SLC24A2: variants seen among roughly 807,000 people sequenced by gnomAD.
The protein encoded by SLC24A2 is sodium/potassium/calcium exchanger 2.
SLC24A2 carries 36 observed loss-of-function variants against 62.0 expected under a neutral mutation model. The observed-to-expected ratio is 0.58, with a 90% CI of 0.44 to 0.77. The LOEUF is 0.77. Ranked by LOEUF, SLC24A2 falls within the 30% of genes least tolerant of loss-of-function variation. The pLI is 0.00. For missense variants in SLC24A2, 846 were observed against 817.9 expected (o/e 1.03, Z -0.42); for synonymous variants, 358 against 294.0 (o/e 1.22, Z -2.23).
At chr9:20,144,030 T>A in the SLC24A2 span, among the ~76,000 whole-genome samples, 1 of 152,230 alleles carries the variant, frequency 6.6e-6, no homozygotes. Context: ...GTTTCCTATA[T>A]GTTACATGGT....
chr9:20,152,405 A>G, the SLC24A2 span, among the ~76,000 whole-genome samples: 1 of 152,036 alleles, frequency 6.6e-6, no homozygotes, highest in South Asian at 2.1e-4. Flanking sequence ...CAAGTTCTTT[A>G]GTAAATCAAC....
chr9:19,525,764 T>C (rs1471421502), intron 9 of SLC24A2, among the ~76,000 whole-genome samples: 2 of 109,146 alleles, frequency 1.8e-5, no homozygotes, highest in East Asian at 3.0e-4. Context: ...CACATGCTAC[T>C]GTTTTTTTTT....
chr9:19,563,852 CCCTCCCTCCCTCCTTT>C (rs1563968926), intron 7 of SLC24A2, among the ~76,000 whole-genome samples: 1 of 103,072 alleles, frequency 9.7e-6, no homozygotes, highest in East Asian at 2.9e-4. Context: ...CTCCCTCCCT[CCCTCCCTCCCTCCTTT>C]CCTTTCGATG....
At chr9:19,534,447 T>G (rs899561947) in intron 8 of SLC24A2, among the ~76,000 whole-genome samples, 2 of 152,166 alleles carry the variant, frequency 1.3e-5, no homozygotes, top group African/African-American at 4.8e-5. Flanking sequence ...CATGGTGGTT[T>G]GCTGCACCCA....
the SLC24A2 span, among the ~76,000 whole-genome samples, chr9:19,969,387 T>C: frequency 6.6e-6 from 1 of 152,152 alleles, no homozygotes; most frequent in Admixed American, 6.5e-5. Context: ...AAAACCAAAG[T>C]CATTTCAGTC....
chr9:19,814,495 A>G, the SLC24A2 span, among the ~76,000 whole-genome samples: 4 of 152,224 alleles, frequency 2.6e-5, no homozygotes, highest in African/African-American at 9.6e-5. Context: ...CATGCTTACC[A>G]AACAACCTTG....
the SLC24A2 span, among the ~76,000 whole-genome samples, chr9:20,028,867 A>G: frequency 5.9e-5 from 9 of 152,212 alleles, no homozygotes; most frequent in Admixed American, 5.9e-4. Flanking sequence ...ACAACCTGGC[A>G]GTACTTCTAA....
the SLC24A2 span, among the ~76,000 whole-genome samples, chr9:20,182,895 G>A: frequency 6.6e-6 from 1 of 152,052 alleles, no homozygotes; most frequent in Non-Finnish European, 1.5e-5. Context: ...GTATACATTG[G>A]GCCACAATCT....
chr9:20,277,527 C>T, the SLC24A2 span, among the ~76,000 whole-genome samples: 1 of 151,966 alleles, frequency 6.6e-6, no homozygotes, highest in Non-Finnish European at 1.5e-5. Context: ...CAAATCAAAA[C>T]CACAATGAGA....
At chr9:20,129,961 A>ACACG in the SLC24A2 span, among the ~76,000 whole-genome samples, 3 of 151,820 alleles carry the variant, frequency 2.0e-5, no homozygotes, top group African/African-American at 7.3e-5. Context: ...ACACACACAC[A>ACACG]CACAGAGGTT....
rs117013263 is a variant in SLC24A2 at position 19,776,565 on chromosome 9, T to C, written c.930+9372A>G. On this transcript the variant is annotated intron_variant, in intron 2 of 10. Coordinates refer to ENST00000341998, the MANE Select transcript of SLC24A2 (RefSeq NM_020344.4). ...TCAGAAGCCACAAATGCTGAGGCGGTCTAGCGTCCTACAGTAAACTTTATA... is the reference window on the plus strand; with the variant it reads ...TCAGAAGCCACAAATGCTGAGGCGGCCTAGCGTCCTACAGTAAACTTTATA... 9.2e-3 allele frequency among the ~76,000 whole-genome samples: 1,396 copies of C among 152,204 alleles called. 10 individuals are homozygous for C. The highest frequency in any genetic ancestry group is 0.015 in the Non-Finnish European group (1,016 of 68,012).
the SLC24A2 span, among the ~76,000 whole-genome samples, chr9:20,144,897 T>C: frequency 3.9e-5 from 6 of 152,182 alleles, no homozygotes; most frequent in Non-Finnish European, 8.8e-5. Flanking sequence ...TAGTTTTCTA[T>C]TCTTGATTAG....
At chr9:20,017,969 C>G in the SLC24A2 span, among the ~76,000 whole-genome samples, 1 of 152,142 alleles carries the variant, frequency 6.6e-6, no homozygotes, top group Non-Finnish European at 1.5e-5. Flanking sequence ...TTTTTTTACA[C>G]GGAGTCTCGC....
intron 2 of SLC24A2, among the ~76,000 whole-genome samples, chr9:19,689,549 T>TG (rs1819983664): frequency 6.6e-6 from 1 of 152,106 alleles, no homozygotes; most frequent in East Asian, 1.9e-4. Flanking sequence ...TATTACAGTT[T>TG]GCAGGGAATA....
the SLC24A2 span, among the ~76,000 whole-genome samples, chr9:19,999,248 T>G: frequency 6.6e-6 from 1 of 152,252 alleles, no homozygotes. Context: ...AGGCATTTAT[T>G]ATCCATGTTC....
At chr9:19,651,624 A>G (rs908479208) in intron 2 of SLC24A2, among the ~76,000 whole-genome samples, 2 of 152,160 alleles carry the variant, frequency 1.3e-5, no homozygotes, top group African/African-American at 4.8e-5. Flanking sequence ...TGGGAAGCAA[A>G]CTTTCACTAC....
At chr9:19,804,875 G>A in the SLC24A2 span, among the ~76,000 whole-genome samples, 2 of 152,004 alleles carry the variant, frequency 1.3e-5, no homozygotes, top group Non-Finnish European at 2.9e-5. Context: ...TGCTTCTTCT[G>A]TATCAAAATG....
the SLC24A2 span, among the ~76,000 whole-genome samples, chr9:19,999,323 G>T: frequency 2.0e-5 from 3 of 152,166 alleles, no homozygotes; most frequent in African/African-American, 7.2e-5. Context: ...CCAGTTAATT[G>T]GGTGTCCTTG....
At chr9:19,735,607 C>T (rs987692001) in intron 2 of SLC24A2, among the ~76,000 whole-genome samples, 5 of 152,122 alleles carry the variant, frequency 3.3e-5, no homozygotes, top group African/African-American at 9.7e-5. Flanking sequence ...GGAACCAACC[C>T]AAATGTCCAA....
Sources: gnomAD v4.1 joint callset for allele counts (sites outside exome capture counted in the v4.1 genomes callset) on GRCh38, gnomAD v4.1.1 for gene constraint, MANE v1.5 for transcripts, NCBI Gene and HGNC (gene_info 2026-07-23, HGNC 2026-07-21) for gene names.